Variants in CMIP observed in about 807,000 individuals in gnomAD.
CMIP encodes the protein C-Maf-inducing protein.
CMIP carries 13 observed loss-of-function variants against 97.3 expected under a neutral mutation model. The observed-to-expected ratio is 0.13, with a 90% CI of 0.09 to 0.21. CMIP has a LOEUF of 0.21. Ranked by LOEUF, CMIP falls within the 10% of genes least tolerant of loss-of-function variation. The pLI is 1.00. For synonymous variants in CMIP, 538 were observed against 436.3 expected, an observed-to-expected ratio of 1.23 and a Z score of -2.91; for missense variants, 847 against 1,024.9, an observed-to-expected ratio of 0.83 and a Z score of 2.37.
rs185339999 is a variant in CMIP, at chr16:81,616,604, G to A, written c.427-4272G>A. On this transcript the variant is annotated intron_variant, in intron 2 of 20. Coordinates refer to ENST00000537098, the MANE Select transcript of CMIP (RefSeq NM_198390.3). The surrounding 1 kb of genome is among the most constrained non-coding windows in gnomAD (Gnocchi z 4.7). ...CAAACTAAACCTGCCTTCTTGAACC[G>A]AAACCTGCCTTCTTCCTGGACTGCC... Among the ~76,000 whole-genome samples, 260 of 152,346 alleles carry A rather than the reference G, an allele frequency of 1.7e-3. 7 individuals are homozygous for A. Among genetic ancestry groups the A allele is most frequent in the Non-Finnish European group, 7.1e-4 (48 of 68,034 alleles).
chr16:81,475,086 G>C (rs1907816345), intron 1 of CMIP, among the ~76,000 whole-genome samples: 1 of 152,184 alleles, frequency 6.6e-6, no homozygotes, highest in Admixed American at 6.5e-5. Context: ...GCCCTCTGGA[G>C]AGGAGGGTGG....
chr16:81,671,840 C>T, intron 8 of CMIP, 126 bp from the exon 9 acceptor site: 2 of 567,900 alleles, frequency 3.5e-6, no homozygotes, highest in East Asian at 5.8e-5. Flanking sequence ...GCTCTCAGAG[C>T]CCCCCAAGTG....
rs374404770 is a variant in CMIP at position 81,528,946 on chromosome 16, C to G, written c.301-78621C>G. Among the ~76,000 whole-genome samples, 50 of 152,176 alleles carry G rather than the reference C, an allele frequency of 3.3e-4. 2 individuals carry two copies. In the East Asian group the frequency reaches 7.0e-3, roughly 21 times the overall value. ...GTTTGTTTGCCTACCAGTCCATGCA[C>G]CCACCCGTCCATCCACCCACCCATC... On this transcript the variant is annotated intron_variant, in intron 1 of 20. Coordinates refer to ENST00000537098, the MANE Select transcript of CMIP (RefSeq NM_198390.3).
At chr16:81,538,968 A>G (rs1019836288) in intron 1 of CMIP, among the ~76,000 whole-genome samples, 2 of 152,308 alleles carry the variant, frequency 1.3e-5, no homozygotes, top group Non-Finnish European at 2.9e-5. Context: ...TAATCAGGCT[A>G]TTTACAAGTT....
intron 1 of CMIP, among the ~76,000 whole-genome samples, chr16:81,568,679 C>T (rs1455793480): frequency 2.6e-5 from 4 of 152,204 alleles, no homozygotes; most frequent in Non-Finnish European, 4.4e-5. Context: ...TCAGCAAGAG[C>T]CTCAAACCTT....
intron 1 of CMIP, among the ~76,000 whole-genome samples, chr16:81,474,823 G>A (rs984280117): frequency 1.3e-5 from 2 of 151,188 alleles, no homozygotes; most frequent in Non-Finnish European, 1.5e-5. Flanking sequence ...CTGTGCCTAG[G>A]CCCTGCCAGC....
chr16:81,690,857 T>A (rs11641014), intron 10 of CMIP, among the ~76,000 whole-genome samples: 36,001 of 151,688 alleles, frequency 0.24, 4,405 homozygotes, highest in Non-Finnish European at 0.26. Context: ...ACCCAGGAGG[T>A]GGAGGTTGCA....
At chr16:81,525,690 C>T (rs955547090) in intron 1 of CMIP, among the ~76,000 whole-genome samples, 1 of 152,098 alleles carries the variant, frequency 6.6e-6, no homozygotes, top group Non-Finnish European at 1.5e-5. Flanking sequence ...TATTGTCATG[C>T]GACCATCCAC....
At chr16:81,550,236 G>C (rs930444038) in intron 1 of CMIP, among the ~76,000 whole-genome samples, 1 of 152,210 alleles carries the variant, frequency 6.6e-6, no homozygotes, top group Non-Finnish European at 1.5e-5. Context: ...ATGATCTGAG[G>C]CTGGTCATGC....
At chr16:81,640,853 C>G (rs1239791310) in intron 3 of CMIP, among the ~76,000 whole-genome samples, 1 of 151,894 alleles carries the variant, frequency 6.6e-6, no homozygotes, top group Non-Finnish European at 1.5e-5. Context: ...ATGACCTCAT[C>G]TTAATTATAT....
Position 81,655,749 on chromosome 16 carries a change from A to G in CMIP, c.640-2026A>G, listed in dbSNP as rs548583191. Among the ~76,000 whole-genome samples, 32 of 152,314 alleles carry G rather than the reference A, an allele frequency of 2.1e-4. No homozygotes were observed. The highest frequency in any genetic ancestry group is 7.0e-4 in the African/African-American group (29 of 41,562). ...GCACTGTAGCTCAGTGGCAGGAAAT[A>G]TAGACTTTAGAGTAAGGACAGACGG... On this transcript the variant is annotated intron_variant, in intron 4 of 20. Transcript: ENST00000537098. This position sits in a 1 kb window ranked among gnomAD's most constrained non-coding sequence, Gnocchi z 4.9.
intron 1 of CMIP, among the ~76,000 whole-genome samples, chr16:81,468,680 G>A (rs998012879): frequency 3.3e-5 from 5 of 152,254 alleles, no homozygotes; most frequent in Admixed American, 2.0e-4. Context: ...CGGTTCCAGT[G>A]CCCGCAAACG....
chr16:81,689,039 T>G (rs970116342), intron 10 of CMIP, among the ~76,000 whole-genome samples: 3 of 152,380 alleles, frequency 2.0e-5, no homozygotes, highest in African/African-American at 4.8e-5. Flanking sequence ...TGCCACATCT[T>G]CTTAATCCAG....
chr16:81,641,795 A>T (rs2092309754), intron 3 of CMIP, among the ~76,000 whole-genome samples: 1 of 152,184 alleles, frequency 6.6e-6, no homozygotes, highest in African/African-American at 2.4e-5. Context: ...TGGGAAACCG[A>T]GGAGGCGAGG....
intron 1 of CMIP, among the ~76,000 whole-genome samples, chr16:81,468,152 T>A (rs766917833): frequency 6.6e-6 from 1 of 152,172 alleles, no homozygotes; most frequent in Non-Finnish European, 1.5e-5. Flanking sequence ...GGTAGCTTTT[T>A]GGAGCCCAAG....
intron 1 of CMIP, among the ~76,000 whole-genome samples, chr16:81,459,689 TG>T (rs1302791248): frequency 6.6e-6 from 1 of 152,204 alleles, no homozygotes; most frequent in Non-Finnish European, 1.5e-5. Context: ...AGCACACCCG[TG>T]GGGTAAACTG....
chr16:81,448,519 T>C (rs1406555313), intron 1 of CMIP, among the ~76,000 whole-genome samples: 2 of 152,232 alleles, frequency 1.3e-5, no homozygotes, highest in African/African-American at 2.4e-5. Flanking sequence ...CCCTCCAGGC[T>C]GTCTTACCGG....
At chr16:81,600,183 G>A (rs2091633967) in intron 1 of CMIP, among the ~76,000 whole-genome samples, 2 of 150,400 alleles carry the variant, frequency 1.3e-5, no homozygotes, top group African/African-American at 4.9e-5. Context: ...GGAGGCTGAG[G>A]CAGGAGAATC....
Position 81,511,493 on chromosome 16 carries a change from T to C in CMIP, c.300+65952T>C, listed in dbSNP as rs141863597. The stretch of plus-strand genomic sequence containing the variant: ...CATATTCTGAGTTTTGCTGATTGCT[T>C]CCTCATGGTGTCATTTAACACATTC... On this transcript the variant is annotated intron_variant, in intron 1 of 20. Transcript: ENST00000537098. Among the ~76,000 whole-genome samples the C allele has an allele frequency of 3.1e-3, 470 of 152,348 alleles. 2 individuals carry two copies. Among genetic ancestry groups the C allele is most frequent in the African/African-American group, 0.011 (450 of 41,576 alleles).
Sources: allele counts gnomAD v4.1 joint callset (sites outside exome capture counted in the v4.1 genomes callset), GRCh38; gene constraint gnomAD v4.1.1; non-coding constraint Gnocchi (gnomAD v3.1); transcripts MANE v1.5; gene names NCBI Gene and HGNC (gene_info 2026-07-23, HGNC 2026-07-21).